Variants in USP20 observed in about 807,000 individuals in gnomAD.
USP20 encodes ubiquitin specific peptidase 20.
In USP20, 80 loss-of-function variants were observed where a neutral mutation model predicts 124.2. The observed-to-expected ratio is 0.64, with a 90% CI of 0.54 to 0.78. The LOEUF is 0.78. USP20 is among the 30% of genes least tolerant of loss of function. The pLI is 0.00. For synonymous variants in USP20, 481 were observed against 512.3 expected, an observed-to-expected ratio of 0.94 and a Z score of 0.83; for missense variants, 1,043 against 1,244.4, an observed-to-expected ratio of 0.84 and a Z score of 2.44.
At chr9:129,872,191 C>T in intron 15 of USP20, among the ~76,000 whole-genome samples, 1 of 151,826 alleles carries the variant, frequency 6.6e-6, no homozygotes, top group East Asian at 1.9e-4. Flanking sequence ...CTCACTCTGT[C>T]ACCCAGGCTG....
intron 22 of USP20, 22 bp from the exon 23 acceptor site, chr9:129,878,316 C>G: frequency 6.4e-7 from 1 of 1,557,362 alleles, no homozygotes; most frequent in East Asian, 2.4e-5. Flanking sequence ...TCTGTCTCCT[C>G]CCGTCCCTGC....
chr9:129,864,648 C>T (rs985511067), intron 9 of USP20, among the ~76,000 whole-genome samples: 2 of 151,958 alleles, frequency 1.3e-5, no homozygotes, highest in African/African-American at 4.8e-5. Flanking sequence ...GTGGCGCGCA[C>T]CTGTATTCCC....
At chr9:129,877,799 G>A (rs568326609) in intron 22 of USP20, among the ~76,000 whole-genome samples, 115 of 152,274 alleles carry the variant, frequency 7.6e-4, no homozygotes, top group Non-Finnish European at 1.2e-3. Context: ...CAGGCCGGGC[G>A]CAGTGGTTCA....
Position 129,862,684 on chromosome 9 carries a change from T to A in USP20, c.498-502T>A, listed in dbSNP as rs537726981. ...ACTTTGGGAGGTCAAGGCAAGTGGA[T>A]CGCCTGAGGTCAGGAGTTCAAGACC... is the stretch of plus-strand genomic sequence containing the variant. On this transcript the variant is annotated intron_variant, in intron 8 of 25. Transcript: ENST00000372429. 4.6e-5 allele frequency among the ~76,000 whole-genome samples: 7 copies of A among 152,156 alleles called. No homozygotes were observed. In the South Asian group the frequency reaches 1.5e-3, roughly 32 times the overall value.
intron 10 of USP20, 144 bp from the exon 11 acceptor site, chr9:129,867,861 G>C: frequency 2.0e-6 from 2 of 978,632 alleles, no homozygotes; most frequent in Non-Finnish European, 2.9e-6. Context: ...ATGGGAGGCC[G>C]CTGTGGGGGT....
chr9:129,876,075 TC>T, intron 21 of USP20, 54 bp from the exon 22 acceptor site: 1 of 1,487,636 alleles, frequency 6.7e-7, no homozygotes. Flanking sequence ...GTGATCACTC[TC>T]CCCTCCCTGG....
rs1393370802 is a variant in USP20 at position 129,869,366 on chromosome 9, A to G, written c.1333A>G (p.Ile445Val). 2 of 1,613,614 alleles carry G rather than the reference A, an allele frequency of 1.2e-6. No homozygotes were observed. Among genetic ancestry groups the G allele is most frequent in the East Asian group, 2.2e-5 (1 of 44,886 alleles). ...RRKEQRYRSVISDIFDGSILS... is the reference protein window; with the variant it reads ...RRKEQRYRSVVSDIFDGSILS... ...GAAGGAGCAGCGCTACCGCAGCGTCATCTCAGACATCTTTGACGGCTCCAT... is the reference window on the plus strand; with the variant it reads ...GAAGGAGCAGCGCTACCGCAGCGTCGTCTCAGACATCTTTGACGGCTCCAT... The change falls in exon 13 of 26, where the codon ATC becomes GTC. Residue 445 changes from isoleucine to valine, a missense_variant. Physicochemically the swap from Ile to Val is conservative, Grantham distance 29. Transcript: ENST00000372429.
intron 24 of USP20, 95 bp from the exon 25 acceptor site, chr9:129,880,018 T>C (rs1167385951): frequency 4.1e-6 from 6 of 1,479,466 alleles, no homozygotes; most frequent in Non-Finnish European, 5.5e-6. Context: ...GTCTTCCCGC[T>C]TCGGGGCCTG....
chr9:129,853,004 C>T (rs1426844592), intron 3 of USP20, among the ~76,000 whole-genome samples: 1 of 152,076 alleles, frequency 6.6e-6, no homozygotes, highest in Non-Finnish European at 1.5e-5. Context: ...TGGGCCTCTT[C>T]TCAGAGTAGG....
rs751067440 is a variant in USP20 at position 129,875,366 on chromosome 9, T to C, written c.2105T>C (p.Met702Thr). 3 of 1,613,096 alleles carry C rather than the reference T, an allele frequency of 1.9e-6. No individual in the cohort carries two copies. Among genetic ancestry groups the C allele is most frequent in the Non-Finnish European group, 1.7e-6 (2 of 1,179,838 alleles). The change falls in exon 20 of 26, where the codon ATG becomes ACG. Residue 702 changes from methionine (M) to threonine (T), a missense_variant. By Grantham distance (81) the Met-to-Thr change is moderately conservative (BLOSUM62 -1). Transcript: ENST00000372429. Reference protein sequence around the residue: ...ERQQVVSLAAMREPSLLRFYV... With the variant: ...ERQQVVSLAATREPSLLRFYV... ...CAGCAGGTGGTGTCCCTGGCCGCCA[T>C]GCGGGAGCCCAGCCTGCTGCGGTTC...
rs2032983754 is a variant in USP20 at position 129,852,573 on chromosome 9, C to T, written c.18C>T (p.Asp6=). Residue 6 remains aspartate (D), a synonymous_variant, in exon 3 of 26, where the codon GAC becomes GAT. Coordinates refer to ENST00000372429, the MANE Select transcript of USP20 (RefSeq NM_001110303.4). ...AGGCCAGGATGGGGGACTCCAGGGA[C>T]CTTTGCCCTCACCTTGACTCCATAG... The part of the protein sequence containing the change: MGDSR[D]LCPHLDSIGE... 3 of 1,598,292 alleles carry T rather than the reference C, an allele frequency of 1.9e-6. No individual in the cohort carries two copies. Among genetic ancestry groups the T allele is most frequent in the East Asian group, 2.2e-5 (1 of 44,476 alleles).
chr9:129,876,604 G>A (rs937595816), intron 22 of USP20, among the ~76,000 whole-genome samples: 38 of 149,232 alleles, frequency 2.5e-4, no homozygotes, highest in Admixed American at 2.0e-3. Flanking sequence ...GTGCCACTGC[G>A]CTCCAGCCTG....
chr9:129,845,250 G>C (rs2032471140), intron 1 of USP20, among the ~76,000 whole-genome samples: 4 of 151,270 alleles, frequency 2.6e-5, no homozygotes, highest in Admixed American at 2.0e-4. Flanking sequence ...CTGGCACAGG[G>C]GCCTGGAGAG....
In USP20 at chr9:129,869,667, C is replaced by T. The variant is rs779414518; in HGVS notation, c.1393-5C>T. On this transcript the variant is annotated splice_region_variant and splice_polypyrimidine_tract_variant and intron_variant, in intron 13 of 25. Coordinates refer to ENST00000372429, the MANE Select transcript of USP20 (RefSeq NM_001110303.4). ...TGGGCAGCAGACTGACCTTCAACCCCACAGGTATCCACCACAGTGGAAACG... is the reference window on the plus strand; with the variant it reads ...TGGGCAGCAGACTGACCTTCAACCCTACAGGTATCCACCACAGTGGAAACG... The T allele has an allele frequency of 6.2e-7, 1 of 1,613,986 alleles. No homozygotes were observed. Among genetic ancestry groups the T allele is most frequent in the South Asian group, 1.1e-5 (1 of 91,068 alleles).
At position 129,852,544 on chromosome 9, in the gene USP20, G is replaced by A; in HGVS notation, c.-12G>A. The A allele has an allele frequency of 1.3e-6, 2 of 1,586,928 alleles. No individual in the cohort carries two copies. Among genetic ancestry groups the A allele is most frequent in the Non-Finnish European group, 1.7e-6 (2 of 1,165,398 alleles). On this transcript the variant is annotated 5_prime_UTR_variant, in exon 3 of 26. Transcript: ENST00000372429. The stretch of plus-strand genomic sequence containing the variant: ...ATTGCTTGTGTCTTCTCATAGGTGA[G>A]CCCAGGCCAGGATGGGGGACTCCAG...
Position 129,880,690 on chromosome 9 carries a change from G to A in USP20, c.*240G>A. 5.3e-6 allele frequency: 1 copy of A among 188,632 alleles called. No individual in the cohort carries two copies. Among genetic ancestry groups the A allele is most frequent in the African/African-American group, 2.3e-5 (1 of 43,350 alleles). The allele number at this position is 188,632 out of a possible 1,614,324, so 11.7% of individuals were successfully genotyped here. On this transcript the variant is annotated 3_prime_UTR_variant, in exon 26 of 26. Transcript: ENST00000372429. The stretch of plus-strand genomic sequence containing the variant: ...CTCTGCCAGTCACTGTCATCGTTGT[G>A]TCCCCCACAACTGTCCTCTTGCTAG...
At chr9:129,840,100 C>T (rs1021585177) in intron 1 of USP20, among the ~76,000 whole-genome samples, 1 of 149,880 alleles carries the variant, frequency 6.7e-6, no homozygotes, top group African/African-American at 2.4e-5. Flanking sequence ...GGGCGGGGCA[C>T]ACGCTGCACC....
chr9:129,861,421 C>G, intron 7 of USP20, 122 bp from the exon 8 acceptor site: 1 of 865,178 alleles, frequency 1.2e-6, no homozygotes, highest in Non-Finnish European at 1.9e-6. Context: ...ACGCTTCCAC[C>G]ATGTCCTCTT....
chr9:129,867,926 C>T lies in USP20; in HGVS notation c.691-79C>T, dbSNP rs1452869227. ...AGGTCCTCCTAGATGGAGGCTGGCGCTCTCATCAGCCACAGGGCGCTGGAG... is the reference window on the plus strand; with the variant it reads ...AGGTCCTCCTAGATGGAGGCTGGCGTTCTCATCAGCCACAGGGCGCTGGAG... On this transcript the variant is annotated intron_variant, in intron 10 of 25. Transcript: ENST00000372429. 4.0e-6 allele frequency: 6 copies of T among 1,504,314 alleles called. No individual in the cohort carries two copies. The East Asian group carries it at 6.9e-5, about 17-fold the overall frequency. The allele number at this position is 1,504,314 out of a possible 1,614,324, so 93.2% of individuals were successfully genotyped here.
Sources: allele counts gnomAD v4.1 joint callset (sites outside exome capture counted in the v4.1 genomes callset), GRCh38; gene constraint gnomAD v4.1.1; transcripts MANE v1.5; gene names NCBI Gene and HGNC (gene_info 2026-07-23, HGNC 2026-07-21).